Variants in KCNH7 observed in about 807,000 individuals in gnomAD.
The protein encoded by KCNH7 is voltage-gated inwardly rectifying potassium channel KCNH7.
In KCNH7, 49 loss-of-function variants were observed where a neutral mutation model predicts 120.8. The ratio of observed to expected loss-of-function variants is 0.41; its 90% CI spans 0.32 to 0.51. The LOEUF is 0.51. Ranked by LOEUF, KCNH7 falls within the 20% of genes least tolerant of loss-of-function variation. The pLI is 0.38. For synonymous variants in KCNH7, 547 were observed against 516.1 expected (o/e 1.06, Z -0.81); for missense variants, 1,097 against 1,446.6 (o/e 0.76, Z 3.92).
intron 2 of KCNH7, among the ~76,000 whole-genome samples, chr2:162,687,539 T>C (rs1685939375): frequency 6.6e-6 from 1 of 152,144 alleles, no homozygotes; most frequent in Non-Finnish European, 1.5e-5. Context: ...GGCCTGTGAC[T>C]ATGCAATTTT....
chr2:162,504,581 G>A lies in KCNH7; in HGVS notation c.990C>T (p.Asn330=). 2 of 1,612,852 alleles carry A rather than the reference G, an allele frequency of 1.2e-6. No individual in the cohort carries two copies. Among genetic ancestry groups the A allele is most frequent in the Non-Finnish European group, 1.7e-6 (2 of 1,179,158 alleles). Residue 330 remains asparagine (N), a synonymous_variant, in exon 6 of 16, where the codon AAC becomes AAT. Coordinates refer to ENST00000332142, the MANE Select transcript of KCNH7 (RefSeq NM_033272.4). ...AATTCAGAGTGAGCTGTGGAATCTT[G>A]TTAATGGTGCTGTATTTGTTGAGGT... ...DSNLNKYSTI[N]KIPQLTLNFS...
chr2:162,687,937 T>TA (rs1441296233), intron 2 of KCNH7, among the ~76,000 whole-genome samples: 1 of 152,132 alleles, frequency 6.6e-6, no homozygotes, highest in African/African-American at 2.4e-5. Flanking sequence ...AATGTTCAAC[T>TA]AAAGCATATT....
chr2:162,485,752 T>C (rs1186334475), intron 6 of KCNH7, among the ~76,000 whole-genome samples: 1 of 152,116 alleles, frequency 6.6e-6, no homozygotes, highest in Non-Finnish European at 1.5e-5. Context: ...TATTTTCCAA[T>C]AAAAACCCAT....
chr2:162,803,364 A>C (rs1179129187), intron 2 of KCNH7, among the ~76,000 whole-genome samples: 1 of 151,782 alleles, frequency 6.6e-6, no homozygotes, highest in African/African-American at 2.4e-5. Context: ...ATAAACTTGT[A>C]GGCATTTTTG....
chr2:162,628,947 A>T (rs761547157), intron 2 of KCNH7, among the ~76,000 whole-genome samples: 1 of 151,878 alleles, frequency 6.6e-6, no homozygotes, highest in Non-Finnish European at 1.5e-5. Flanking sequence ...GATTATCATC[A>T]CTCTTGGGGC....
At position 162,449,022 on chromosome 2, in the gene KCNH7, G is replaced by T. The variant is rs143057461; in HGVS notation, c.1129-2579C>A. 3.9e-3 allele frequency among the ~76,000 whole-genome samples: 590 copies of T among 152,104 alleles called. 2 individuals are homozygous for T. The highest frequency in any genetic ancestry group is 5.7e-3 in the Non-Finnish European group (388 of 67,968). On this transcript the variant is annotated intron_variant, in intron 6 of 15. Transcript: ENST00000332142. ...AAGGACACAGCTAAGGGATGAGGAA[G>T]TTGGGAAGGGAAGGATATTACAAGC...
At chr2:162,457,987 AT>A (rs767561885) in intron 6 of KCNH7, among the ~76,000 whole-genome samples, 1 of 152,146 alleles carries the variant, frequency 6.6e-6, no homozygotes, top group Non-Finnish European at 1.5e-5. Context: ...AAGATGTCAC[AT>A]AGGAAGTCAT....
At chr2:162,682,949 CT>C (rs1244941051) in intron 2 of KCNH7, among the ~76,000 whole-genome samples, 3 of 151,898 alleles carry the variant, frequency 2.0e-5, no homozygotes, top group Admixed American at 2.0e-4. Context: ...TGTTCTGGCA[CT>C]GAATTTGGCT....
At chr2:162,707,652 T>C (rs903797756) in intron 2 of KCNH7, among the ~76,000 whole-genome samples, 2 of 152,038 alleles carry the variant, frequency 1.3e-5, no homozygotes, top group African/African-American at 2.4e-5. Flanking sequence ...CAAATAAGGA[T>C]GTAGGAAATG....
intron 2 of KCNH7, among the ~76,000 whole-genome samples, chr2:162,635,869 C>G (rs1472041456): frequency 6.6e-6 from 1 of 152,074 alleles, no homozygotes; most frequent in Non-Finnish European, 1.5e-5. Context: ...TTTTCATCCA[C>G]AAGCCAGAGG....
chr2:162,503,790 G>A (rs539876392), intron 6 of KCNH7, among the ~76,000 whole-genome samples: 1 of 152,166 alleles, frequency 6.6e-6, no homozygotes, highest in Admixed American at 6.6e-5. Context: ...AACAATGTAA[G>A]TGCACTGTAA....
chr2:162,632,133 T>G (rs1031766030), intron 2 of KCNH7, among the ~76,000 whole-genome samples: 1 of 151,978 alleles, frequency 6.6e-6, no homozygotes, highest in Non-Finnish European at 1.5e-5. Flanking sequence ...TCCACATTAA[T>G]CAACTGAAAA....
intron 6 of KCNH7, among the ~76,000 whole-genome samples, chr2:162,496,336 G>C (rs963644633): frequency 6.6e-6 from 1 of 152,138 alleles, no homozygotes; most frequent in Non-Finnish European, 1.5e-5. Flanking sequence ...GATGTTTTGT[G>C]CAGATAAGAG....
At chr2:162,389,135 T>G (rs1466984225) in intron 12 of KCNH7, among the ~76,000 whole-genome samples, 1 of 151,902 alleles carries the variant, frequency 6.6e-6, no homozygotes, top group African/African-American at 2.4e-5. Flanking sequence ...GCTTTTTTTG[T>G]TTTGTTTGTC....
chr2:162,832,312 T>C (rs1319149583), intron 2 of KCNH7, among the ~76,000 whole-genome samples: 1 of 152,132 alleles, frequency 6.6e-6, no homozygotes, highest in Non-Finnish European at 1.5e-5. Context: ...GAGCTGAATG[T>C]TTTACATGCC....
chr2:162,633,624 C>A (rs1683842244), intron 2 of KCNH7, among the ~76,000 whole-genome samples: 1 of 151,860 alleles, frequency 6.6e-6, no homozygotes, highest in South Asian at 2.1e-4. Context: ...TTTTGGAATA[C>A]AGCCCAAATA....
intron 9 of KCNH7, among the ~76,000 whole-genome samples, chr2:162,414,884 T>A (rs1004989045): frequency 9.2e-5 from 14 of 152,096 alleles, no homozygotes; most frequent in Non-Finnish European, 5.9e-5. Flanking sequence ...CTTTAAATTA[T>A]GAGGCCTATA....
At chr2:162,747,956 T>C (rs181214113) in intron 2 of KCNH7, among the ~76,000 whole-genome samples, 2 of 152,354 alleles carry the variant, frequency 1.3e-5, no homozygotes, top group African/African-American at 2.4e-5. Flanking sequence ...CTTGGCTTTC[T>C]TGGCAGCCCC....
At chr2:162,547,590 A>G (rs1008784795) in intron 2 of KCNH7, among the ~76,000 whole-genome samples, 3 of 152,178 alleles carry the variant, frequency 2.0e-5, no homozygotes, top group African/African-American at 7.2e-5. Context: ...CATCCACTAA[A>G]TATCCCCATT....
Sources: gnomAD v4.1 joint callset for allele counts (sites outside exome capture counted in the v4.1 genomes callset) on GRCh38, gnomAD v4.1.1 for gene constraint, MANE v1.5 for transcripts, NCBI Gene and HGNC (gene_info 2026-07-23, HGNC 2026-07-21) for gene names.